The following ATP2B2 variants were observed in gnomAD, a reference collection of about 807,000 sequenced individuals.
ATP2B2 encodes the protein plasma membrane calcium-transporting ATPase 2.
A neutral mutation model predicts 120.0 loss-of-function variants in ATP2B2; 15 were observed. That is an observed-to-expected ratio of 0.12 (90% CI 0.08 to 0.19). The LOEUF is 0.19. Ranked by LOEUF, ATP2B2 falls within the 10% of genes least tolerant of loss-of-function variation. The pLI is 1.00. For missense variants in ATP2B2, 1,045 were observed against 1,719.8 expected (o/e 0.61, Z 6.94); for synonymous variants, 694 against 700.3 (o/e 0.99, Z 0.14).
intron 1 of ATP2B2, among the ~76,000 whole-genome samples, chr3:10,695,583 T>A (rs1330433609): frequency 6.6e-6 from 1 of 151,240 alleles, no homozygotes; most frequent in Non-Finnish European, 1.5e-5. Context: ...CTACATAGAG[T>A]AAAGGAGAGT....
chr3:10,379,291 G>T lies in ATP2B2; in HGVS notation c.1001-7C>A. ...TTGCCATCCTGCATTTTACCTACAC[G>T]ACAAAGAATTTTAACAGACAACAGA... On this transcript the variant is annotated splice_region_variant and splice_polypyrimidine_tract_variant and intron_variant, in intron 8 of 22. Coordinates refer to ENST00000360273, the MANE Select transcript of ATP2B2 (RefSeq NM_001001331.4). The T allele has an allele frequency of 6.2e-7, 1 of 1,613,984 alleles. No individual in the cohort carries two copies. Among genetic ancestry groups the T allele is most frequent in the Non-Finnish European group, 8.5e-7 (1 of 1,179,860 alleles).
intron 7 of ATP2B2, among the ~76,000 whole-genome samples, chr3:10,385,952 C>T (rs1462316042): frequency 6.6e-6 from 1 of 152,202 alleles, no homozygotes; most frequent in Non-Finnish European, 1.5e-5. Flanking sequence ...AAGCATGTTG[C>T]ATTTTGTATA....
chr3:10,458,365 C>A (rs1176829623), intron 1 of ATP2B2, among the ~76,000 whole-genome samples: 2 of 152,192 alleles, frequency 1.3e-5, no homozygotes, highest in African/African-American at 4.8e-5. Flanking sequence ...GATTTCTGCA[C>A]AACTTTTGGT....
At chr3:10,475,792 G>A (rs534928164) in intron 1 of ATP2B2, among the ~76,000 whole-genome samples, 12 of 152,294 alleles carry the variant, frequency 7.9e-5, no homozygotes, top group Middle Eastern at 3.4e-3. Context: ...CCCCTTCCCC[G>A]TCTGCAATGC....
chr3:10,336,185 A>G, intron 22 of ATP2B2: 1 of 1,550,654 alleles, frequency 6.4e-7, no homozygotes, highest in Non-Finnish European at 8.7e-7. Context: ...GGACAACGAC[A>G]CGCGACTAGG....
chr3:10,645,934 T>G (rs866960303), intron 1 of ATP2B2, among the ~76,000 whole-genome samples: 11 of 152,326 alleles, frequency 7.2e-5, no homozygotes, highest in Middle Eastern at 3.4e-3. Flanking sequence ...ATCTTTGATG[T>G]GTTCCCCTCG....
intron 1 of ATP2B2, among the ~76,000 whole-genome samples, chr3:10,463,341 G>A (rs1206560541): frequency 1.3e-5 from 2 of 152,128 alleles, no homozygotes; most frequent in Admixed American, 1.3e-4. Context: ...GTTGGACTAT[G>A]GAATGACATG....
At chr3:10,379,413 GT>G in intron 8 of ATP2B2, 129 bp from the exon 9 acceptor site, 1 of 1,061,358 alleles carries the variant, frequency 9.4e-7, no homozygotes, top group Non-Finnish European at 1.4e-6. Flanking sequence ...GCATCCCTCT[GT>G]GTGGGGATAC....
intron 2 of ATP2B2, among the ~76,000 whole-genome samples, chr3:10,418,559 G>C (rs1317865158): frequency 1.3e-5 from 2 of 152,124 alleles, no homozygotes; most frequent in African/African-American, 4.8e-5. Context: ...GGCCATCCAG[G>C]TGACCACTGA....
intron 1 of ATP2B2, among the ~76,000 whole-genome samples, chr3:10,452,002 C>T (rs867109829): frequency 4.7e-4 from 72 of 152,326 alleles, no homozygotes; most frequent in African/African-American, 1.6e-3. Context: ...CTTGTAGCTA[C>T]CTAGTAAACA....
intron 15 of ATP2B2, 72 bp downstream of exon 15, chr3:10,350,326 C>G: frequency 6.2e-7 from 1 of 1,605,572 alleles, no homozygotes; most frequent in Non-Finnish European, 8.5e-7. Flanking sequence ...TCTGTACAAT[C>G]ATGCAGCACC....
intron 2 of ATP2B2, among the ~76,000 whole-genome samples, chr3:10,565,892 C>G (rs2067999745): frequency 6.6e-6 from 1 of 152,178 alleles, no homozygotes; most frequent in South Asian, 2.1e-4. Context: ...TGTGCCTCAT[C>G]ATTTGCTTTC....
At chr3:10,526,754 G>C (rs765114725) in intron 3 of ATP2B2, among the ~76,000 whole-genome samples, 1 of 152,132 alleles carries the variant, frequency 6.6e-6, no homozygotes, top group Admixed American at 6.5e-5. Context: ...GACAGGACTG[G>C]GTCCTGCCTT....
At chr3:10,446,702 G>A (rs1203374171) in intron 2 of ATP2B2, among the ~76,000 whole-genome samples, 1 of 152,174 alleles carries the variant, frequency 6.6e-6, no homozygotes, top group Admixed American at 6.5e-5. Context: ...TGTGGCAGGA[G>A]CTGCAGGAAA....
chr3:10,393,649 G>A (rs9854333), intron 5 of ATP2B2, among the ~76,000 whole-genome samples: 72,825 of 152,066 alleles, frequency 0.48, 19,321 homozygotes, highest in East Asian at 0.97. Flanking sequence ...GGGCCAGAGC[G>A]TGGTGGGGAG....
At chr3:10,383,558 C>T (rs527678533) in intron 8 of ATP2B2, among the ~76,000 whole-genome samples, 14 of 152,340 alleles carry the variant, frequency 9.2e-5, no homozygotes, top group African/African-American at 3.4e-4. Flanking sequence ...GAGAAGCACA[C>T]ACTTTAGAGC....
intron 2 of ATP2B2, among the ~76,000 whole-genome samples, chr3:10,552,590 T>C (rs2067693493): frequency 6.6e-6 from 1 of 152,256 alleles, no homozygotes; most frequent in African/African-American, 2.4e-5. Flanking sequence ...CCCTCAGCAC[T>C]GCTTTTATGT....
intron 9 of ATP2B2, 50 bp from the exon 10 acceptor site, chr3:10,378,460 C>T: frequency 6.3e-7 from 1 of 1,597,466 alleles, no homozygotes; most frequent in Non-Finnish European, 8.5e-7. Context: ...CATAGACACA[C>T]ATGCAGGTCA....
chr3:10,560,152 G>T (rs1341617803), intron 2 of ATP2B2, among the ~76,000 whole-genome samples: 7 of 152,352 alleles, frequency 4.6e-5, no homozygotes, highest in Non-Finnish European at 1.0e-4. Flanking sequence ...GCAACTCAAA[G>T]GCAGTCGCTG....
Sources: allele counts gnomAD v4.1 joint callset (sites outside exome capture counted in the v4.1 genomes callset), GRCh38; gene constraint gnomAD v4.1.1; transcripts MANE v1.5; gene names NCBI Gene and HGNC (gene_info 2026-07-23, HGNC 2026-07-21).